Variants in NBPF19 observed in about 807,000 individuals in gnomAD.
NBPF19 encodes NBPF member 19, also known as NBPF family member NBPF19.
NBPF19 carries 30 observed loss-of-function variants against 45.9 expected under a neutral mutation model. That is an observed-to-expected ratio of 0.65 (90% CI 0.49 to 0.89). The LOEUF is 0.89. Among genes scored for constraint, NBPF19 ranks in the 40% least tolerant of loss-of-function variants. NBPF19 has a pLI of 0.00. For synonymous variants in NBPF19, 183 were observed against 181.2 expected (o/e 1.01, Z -0.08); for missense variants, 495 against 471.8 (o/e 1.05, Z -0.46).
At chr1:149,487,718 A>G (rs1329681177) in intron 9 of NBPF19, among the ~76,000 whole-genome samples, 2 of 150,256 alleles carry the variant, frequency 1.3e-5, no homozygotes, top group Non-Finnish European at 3.0e-5. Flanking sequence ...GCACAAATAC[A>G]GAGTGTCCTT....
At chr1:149,494,118 C>G (rs1442576892) in intron 17 of NBPF19, among the ~76,000 whole-genome samples, 200 bp from the exon 18 acceptor site, 73 of 135,042 alleles carry the variant, frequency 5.4e-4, no homozygotes, top group African/African-American at 2.0e-3. Flanking sequence ...CTCTCTCTCT[C>G]CCTCTCCCTG....
rs1404393980 is a variant in NBPF19, at chr1:149,487,380, C to T, written c.1037C>T (p.Pro346Leu). The T allele has an allele frequency of 7.8e-5, 120 of 1,530,262 alleles. 1 individual carries two copies. Among genetic ancestry groups the T allele is most frequent in the Admixed American group, 4.2e-4 (25 of 59,786 alleles). 94.8% of individuals were successfully genotyped at this position (1,530,262 alleles called of 1,614,324 possible). A position where few individuals can be genotyped will look rare whatever the true frequency, so the allele number is the denominator to read the frequency against. ...VKKEDQEATG[P>L]RLSRELLDEK... ...AAGGAGGACCAAGAGGCAACAGGTCCCAGGTGAGTCTGAGAAATTGTGGAC... is the reference window on the plus strand; with the variant it reads ...AAGGAGGACCAAGAGGCAACAGGTCTCAGGTGAGTCTGAGAAATTGTGGAC... The change falls in exon 9 of 94, where the codon CCC (proline) becomes CTC (leucine). Residue 346 changes from proline to leucine, a missense_variant. Pro to Leu is a moderately conservative substitution (Grantham distance 98). Around this residue, in one of 8 missense-constraint regions of NBPF19, gnomAD observed 146 missense variants for 67.3 expected, o/e 2.17. Transcript: ENST00000651566.
chr1:149,554,644 T>C lies in NBPF19; in HGVS notation c.11438T>C (p.Ile3813Thr). 6.2e-7 allele frequency: 1 copy of C among 1,608,354 alleles called. No individual in the cohort carries two copies. The highest frequency in any genetic ancestry group is 8.5e-7 in the Non-Finnish European group (1 of 1,176,788). ...TTTTACTCATTTGAGGAAGAGCATA[T>C]CAGCTTCGCCCTTTACTTGGACAAT... ...SVFYSFEEEH[I>T]SFALYLDNRF... Residue 3813 changes from isoleucine to threonine, a missense_variant, in exon 94 of 94, where the codon ATC becomes ACC. Around this residue, in one of 8 missense-constraint regions of NBPF19, gnomAD observed 248 missense variants for 95.4 expected, o/e 2.60. Coordinates refer to ENST00000651566, the MANE Select transcript of NBPF19 (RefSeq NM_001351365.2).
chr1:149,554,579 C>A lies in NBPF19; in HGVS notation c.11373C>A (p.Tyr3791Ter). 3 of 1,608,244 alleles carry A rather than the reference C, an allele frequency of 1.9e-6. No homozygotes were observed. Among genetic ancestry groups the A allele is most frequent in the Non-Finnish European group, 2.5e-6 (3 of 1,176,748 alleles). Residue 3791 changes from tyrosine (Y) to a stop codon, truncating the protein, a stop_gained, in exon 94 of 94, where the codon TAC (tyrosine) becomes TAA (stop). Transcript: ENST00000651566. LOFTEE classifies it low-confidence loss of function (END_TRUNC). ...LDGCYSTPSM[Y>*]FELPDSFQHY... ...GATGTTATTCGACTCCGTCAATGTA[C>A]TTTGAACTACCTGACTCATTCCAGC...
intron 2 of NBPF19, among the ~76,000 whole-genome samples, chr1:149,476,988 G>A (rs2084876339): frequency 6.6e-6 from 1 of 150,836 alleles, no homozygotes; most frequent in Admixed American, 6.6e-5. Flanking sequence ...AAAGCAGAGA[G>A]TACCTTGGTG....
chr1:149,487,863 C>G (rs1421635426), intron 9 of NBPF19, 150 bp from the exon 10 acceptor site: 4 of 684,452 alleles, frequency 5.8e-6, no homozygotes, highest in Non-Finnish European at 1.1e-5. Flanking sequence ...CCTAGTCTAT[C>G]CCAACATAAA....
intron 3 of NBPF19, 54 bp from the exon 4 acceptor site, chr1:149,478,826 A>G (rs1294355486): frequency 2.1e-6 from 3 of 1,408,184 alleles, no homozygotes; most frequent in Non-Finnish European, 3.0e-6. Flanking sequence ...GCAATATTTG[A>G]ACGGATCACT....
chr1:149,487,639 T>G (rs2085646432), intron 9 of NBPF19, among the ~76,000 whole-genome samples: 2 of 150,420 alleles, frequency 1.3e-5, no homozygotes, highest in Admixed American at 6.6e-5. Flanking sequence ...CAGGGAAACT[T>G]GAGCACATTT....
At chr1:149,528,956 T>TGC (rs2086916318) in intron 61 of NBPF19, among the ~76,000 whole-genome samples, 1 of 131,136 alleles carries the variant, frequency 7.6e-6, no homozygotes, top group African/African-American at 3.1e-5. Flanking sequence ...TGTGTGTGTG[T>TGC]GTGTGTGTGT....
rs1397175294 is a variant in NBPF19, at chr1:149,554,699, C to A, written c.11493C>A (p.Leu3831=). ...TTTTTACTTTGACGGTGACAAGTCT[C>A]CATCTGGTGTTCCAGATGTTAGTCA... The part of the protein sequence containing the change: ...NRFFTLTVTS[L]HLVFQMLVIF... Residue 3831 remains leucine, a synonymous_variant, in exon 94 of 94, where the codon CTC becomes CTA. Coordinates refer to ENST00000651566, the MANE Select transcript of NBPF19 (RefSeq NM_001351365.2). 2.1e-5 allele frequency: 34 copies of A among 1,608,164 alleles called. 1 individual carries two copies. In the Admixed American group the frequency reaches 5.3e-4, roughly 25 times the overall value.
chr1:149,554,496 C>G lies in NBPF19; in HGVS notation c.11290C>G (p.Leu3764Val), dbSNP rs1419939462. The change falls in exon 94 of 94, where the codon CTC becomes GTC. Residue 3764 changes from leucine (L) to valine (V), a missense_variant and splice_region_variant. Coordinates refer to ENST00000651566, the MANE Select transcript of NBPF19 (RefSeq NM_001351365.2). ...CTTTAGTTTTGTCTCCTTTTCCAGG[C>G]TCAACAGCGTGCTGATGGAAGTGGA... is the stretch of plus-strand genomic sequence containing the variant. ...EEDQNPPCPRLNSVLMEVEEP... is the reference protein window; with the variant it reads ...EEDQNPPCPRVNSVLMEVEEP... 81 of 1,608,128 alleles carry G rather than the reference C, an allele frequency of 5.0e-5. 3 individuals are homozygous for G. In the South Asian group the frequency reaches 5.1e-4, roughly 10 times the overall value.
At chr1:149,487,775 CTGTGTGTGTGTGTGTGTGTGTG>C (rs1219803937) in intron 9 of NBPF19, among the ~76,000 whole-genome samples, 6 of 128,760 alleles carry the variant, frequency 4.7e-5, no homozygotes, top group South Asian at 2.7e-4. Flanking sequence ...TGAGCTCGCT[CTGTGTGTGTGTGTGTGTGTGTG>C]TGTGTGTGTG....
intron 61 of NBPF19, among the ~76,000 whole-genome samples, chr1:149,528,941 CTCTCTG>C (rs1449811018): frequency 4.0e-5 from 5 of 124,138 alleles, no homozygotes; most frequent in Admixed American, 1.6e-4. Context: ...CTCGTTCTCT[CTCTCTG>C]TGTGTGTGTG....
In NBPF19 at chr1:149,554,655, C is replaced by T. The variant is rs1392756901; in HGVS notation, c.11449C>T (p.Leu3817Phe). The change falls in exon 94 of 94, where the codon CTT becomes TTT. Residue 3817 changes from leucine to phenylalanine, a missense_variant. Physicochemically the swap from Leu to Phe is conservative, Grantham distance 22. Coordinates refer to ENST00000651566, the MANE Select transcript of NBPF19 (RefSeq NM_001351365.2). The stretch of plus-strand genomic sequence containing the variant: ...TGAGGAAGAGCATATCAGCTTCGCC[C>T]TTTACTTGGACAATAGGTTTTTTAC... The part of the protein sequence containing the change: ...SFEEEHISFA[L>F]YLDNRFFTLT... The T allele has an allele frequency of 1.2e-6, 2 of 1,608,152 alleles. No individual in the cohort carries two copies. The highest frequency in any genetic ancestry group is 2.2e-5 in the East Asian group (1 of 44,850).
At position 149,477,987 on chromosome 1, in the gene NBPF19, A is replaced by G. The variant is rs2084944393; in HGVS notation, c.218A>G (p.Asn73Ser). 1 of 1,492,766 alleles carries G rather than the reference A, an allele frequency of 6.7e-7. No homozygotes were observed. Among genetic ancestry groups the G allele is most frequent in the African/African-American group, 1.4e-5 (1 of 72,708 alleles). The allele number at this position is 1,492,766 out of a possible 1,614,324, so 92.5% of individuals were successfully genotyped here. A position where few individuals can be genotyped will look rare whatever the true frequency, so the allele number is the denominator to read the frequency against. The change falls in exon 3 of 94, where the codon AAT becomes AGT. Residue 73 changes from asparagine (N) to serine (S), a missense_variant. This residue lies in a region of NBPF19 where 69 missense variants were observed against 87.8 expected (regional missense o/e 0.79). Transcript: ENST00000651566. ...GACCTCATAAAATTTATGCTGAGGA[A>G]TGAGCGACAGTTCAAGGAGGAGAAG... Reference protein sequence around the residue: ...CKDLIKFMLRNERQFKEEKLA... With the variant: ...CKDLIKFMLRSERQFKEEKLA...
chr1:149,488,215 A>T (rs2085731601), intron 10 of NBPF19, 30 bp downstream of exon 10: 1 of 592,938 alleles, frequency 1.7e-6, no homozygotes, highest in African/African-American at 2.1e-5. Context: ...GGTGATAAGG[A>T]TCCACTGAGT....
rs1194506337 is a variant in NBPF19, at chr1:149,556,040, T to C, written c.*1302T>C. 3 of 145,594 alleles carry C rather than the reference T, an allele frequency of 2.1e-5. No individual in the cohort carries two copies. Among genetic ancestry groups the C allele is most frequent in the Non-Finnish European group, 4.5e-5 (3 of 66,080 alleles). The allele number at this position is 145,594 out of a possible 1,614,324, so 9.0% of individuals were successfully genotyped here. On this transcript the variant is annotated 3_prime_UTR_variant, in exon 94 of 94. Transcript: ENST00000651566. The stretch of plus-strand genomic sequence containing the variant: ...GTATAAATATCCTGTATTCTAATGA[T>C]CATCCTCTAAACATTTTATCATTTA...
chr1:149,477,697 T>G (rs1310777739), intron 2 of NBPF19, among the ~76,000 whole-genome samples: 2,530 of 151,296 alleles, frequency 0.017, 116 homozygotes, highest in Non-Finnish European at 0.017. Context: ...TCCACTTCGT[T>G]GTGGTTGAAT....
rs1166310426 is a variant in NBPF19, at chr1:149,487,948, C to G, written c.1041-65C>G. ...CTCTTCCTTATGTTAGCCATGAAAT[C>G]TAGCTGGGGCTGTGTGGTTTCTGAT... is the stretch of plus-strand genomic sequence containing the variant. On this transcript the variant is annotated intron_variant, in intron 9 of 93. Coordinates refer to ENST00000651566, the MANE Select transcript of NBPF19 (RefSeq NM_001351365.2). 39 of 707,254 alleles carry G rather than the reference C, an allele frequency of 5.5e-5. No homozygotes were observed. The African/African-American group carries it at 5.7e-4, about 10-fold the overall frequency. 43.8% of individuals were successfully genotyped at this position (707,254 alleles called of 1,614,324 possible). A position where few individuals can be genotyped will look rare whatever the true frequency, so the allele number is the denominator to read the frequency against.
Sources: allele counts gnomAD v4.1 joint callset (sites outside exome capture counted in the v4.1 genomes callset), GRCh38; gene constraint gnomAD v4.1.1; regional missense constraint gnomAD v4.1.1; transcripts MANE v1.5; gene names NCBI Gene and HGNC (gene_info 2026-07-23, HGNC 2026-07-21).